Variants in CNTNAP2 observed in about 807,000 individuals in gnomAD.
CNTNAP2 encodes contactin associated protein 2, also known as contactin-associated protein-like 2.
In CNTNAP2, 98 loss-of-function variants were observed where a neutral mutation model predicts 155.2. The observed-to-expected ratio is 0.63, with a 90% CI of 0.54 to 0.75. The LOEUF is 0.75. Ranked by LOEUF, CNTNAP2 falls within the 30% of genes least tolerant of loss-of-function variation. CNTNAP2 has a pLI of 0.00. For synonymous variants in CNTNAP2, 651 were observed against 631.2 expected (o/e 1.03, Z -0.47); for missense variants, 1,727 against 1,688.1 (o/e 1.02, Z -0.40).
intron 1 of CNTNAP2, among the ~76,000 whole-genome samples, chr7:146,271,705 A>C (rs148258475): frequency 6.6e-6 from 1 of 151,826 alleles, no homozygotes; most frequent in East Asian, 1.9e-4. Context: ...AATTTTCTCT[A>C]TTACTCTGAT....
chr7:148,197,008 C>A (rs1210784734), intron 18 of CNTNAP2, among the ~76,000 whole-genome samples: 1 of 152,044 alleles, frequency 6.6e-6, no homozygotes, highest in Admixed American at 6.6e-5. Flanking sequence ...GGAAAAAAAA[C>A]AATGTTAAAC....
chr7:146,425,414 A>C (rs1796073347), intron 1 of CNTNAP2, among the ~76,000 whole-genome samples: 1 of 152,208 alleles, frequency 6.6e-6, no homozygotes, highest in South Asian at 2.1e-4. Context: ...TTTCCAATAA[A>C]AACAAAGAAT....
At chr7:147,647,473 A>G (rs539477285) in intron 13 of CNTNAP2, among the ~76,000 whole-genome samples, 3 of 152,330 alleles carry the variant, frequency 2.0e-5, no homozygotes, top group Non-Finnish European at 4.4e-5. Context: ...GAAACTTTCT[A>G]CAATTCTTAC....
intron 17 of CNTNAP2, among the ~76,000 whole-genome samples, chr7:148,155,711 A>G (rs1805387210): frequency 6.6e-6 from 1 of 152,234 alleles, no homozygotes; most frequent in Admixed American, 6.5e-5. Flanking sequence ...GAAAGAATTA[A>G]CAATAACAAA....
At chr7:148,363,848 T>G (rs1798674591) in intron 21 of CNTNAP2, among the ~76,000 whole-genome samples, 1 of 145,316 alleles carries the variant, frequency 6.9e-6, no homozygotes, top group Non-Finnish European at 1.5e-5. Context: ...TGGGGCTGCG[T>G]GCGGGCCAGC....
At chr7:147,638,695 G>C (rs764692330) in intron 12 of CNTNAP2, 1 of 376,070 alleles carries the variant, frequency 2.7e-6, no homozygotes, top group African/African-American at 2.1e-5. Flanking sequence ...AGACTCAGAG[G>C]CTTGAAAGAG....
intron 11 of CNTNAP2, among the ~76,000 whole-genome samples, chr7:147,512,518 T>C (rs1799040038): frequency 6.6e-6 from 1 of 152,160 alleles, no homozygotes; most frequent in Non-Finnish European, 1.5e-5. Context: ...CATCATTTTT[T>C]CTCATAACTA....
At chr7:147,732,441 G>A (rs1320147738) in intron 13 of CNTNAP2, among the ~76,000 whole-genome samples, 1 of 151,980 alleles carries the variant, frequency 6.6e-6, no homozygotes, top group African/African-American at 2.4e-5. Context: ...TATCATTGTT[G>A]GACATTTGGG....
chr7:147,368,035 C>G (rs1206252522), intron 9 of CNTNAP2, among the ~76,000 whole-genome samples: 3 of 92,784 alleles, frequency 3.2e-5, no homozygotes, highest in Non-Finnish European at 6.3e-5. Flanking sequence ...CCCTCCTCCT[C>G]TGTCCCCCTC....
chr7:146,929,329 G>T (rs970037906), intron 3 of CNTNAP2, among the ~76,000 whole-genome samples: 3 of 152,140 alleles, frequency 2.0e-5, no homozygotes, highest in African/African-American at 7.2e-5. Flanking sequence ...AGGCAAACAG[G>T]GTCTGGAGTG....
At chr7:146,172,130 G>C (rs1165037135) in intron 1 of CNTNAP2, among the ~76,000 whole-genome samples, 1 of 136,672 alleles carries the variant, frequency 7.3e-6, no homozygotes, top group Non-Finnish European at 1.6e-5. Context: ...GTTATTTCTT[G>C]GGTTTTCTTT....
Position 147,639,287 on chromosome 7 carries a change from A to C in CNTNAP2, c.2079A>C (p.Ser693=), listed in dbSNP as rs1459746558. The C allele has an allele frequency of 8.1e-6, 13 of 1,613,954 alleles. No homozygotes were observed. The highest frequency in any genetic ancestry group is 1.0e-5 in the Non-Finnish European group (12 of 1,179,992). Residue 693 remains serine, a synonymous_variant, in exon 13 of 24, where the codon TCA becomes TCC. Transcript: ENST00000361727. The part of the protein sequence containing the change: ...EQYVSYFCKM[S]RLLNTPDGSP... Reference sequence around the variant, plus strand: ...ATGTCTCCTATTTCTGCAAGATGTCAAGATTGTTGAACACCCCAGGTAGGC... The same window carrying C: ...ATGTCTCCTATTTCTGCAAGATGTCCAGATTGTTGAACACCCCAGGTAGGC...
At chr7:147,515,345 A>G (rs1486732809) in intron 11 of CNTNAP2, among the ~76,000 whole-genome samples, 1 of 45,950 alleles carries the variant, frequency 2.2e-5, no homozygotes, top group Non-Finnish European at 5.9e-5. Flanking sequence ...TTGTTTTGAG[A>G]CAAGTCTCGC....
chr7:147,257,605 A>G (rs1804360875), intron 8 of CNTNAP2, among the ~76,000 whole-genome samples: 1 of 152,256 alleles, frequency 6.6e-6, no homozygotes, highest in South Asian at 2.1e-4. Flanking sequence ...TACCGCCATC[A>G]GGCATTCATA....
chr7:146,538,547 T>C (rs34357770), intron 1 of CNTNAP2, among the ~76,000 whole-genome samples: 23,542 of 152,054 alleles, frequency 0.15, 2,757 homozygotes, highest in African/African-American at 0.33. Context: ...GGTTACATTC[T>C]GCTGCCCCAA....
chr7:147,486,051 A>G lies in CNTNAP2; in HGVS notation c.1777+10A>G, dbSNP rs2286127. On this transcript the variant is annotated intron_variant, in intron 11 of 23. Coordinates refer to ENST00000361727, the MANE Select transcript of CNTNAP2 (RefSeq NM_014141.6). ...GCCACCTGCCACAACTGTGAGTGCC[A>G]ATTTATCTCACTTTAATCTTGTAAT... 307,472 of 1,605,856 alleles carry G rather than the reference A, an allele frequency of 0.19. 32,246 individuals are homozygous for G. Among genetic ancestry groups the G allele is most frequent in the East Asian group, 0.33 (14,916 of 44,808 alleles).
intron 12 of CNTNAP2, among the ~76,000 whole-genome samples, chr7:147,625,514 AAT>A (rs1199232585): frequency 3.3e-5 from 5 of 152,340 alleles, no homozygotes; most frequent in African/African-American, 1.2e-4. Context: ...ATTTCATCAA[AAT>A]AGAGTTTATA....
chr7:146,720,781 G>T (rs2129177014), intron 1 of CNTNAP2, among the ~76,000 whole-genome samples: 1 of 150,798 alleles, frequency 6.6e-6, no homozygotes, highest in East Asian at 2.0e-4. Context: ...CTATGTAGAG[G>T]ATGTAATCAT....
At chr7:146,157,121 A>G (rs1798139093) in intron 1 of CNTNAP2, among the ~76,000 whole-genome samples, 1 of 152,324 alleles carries the variant, frequency 6.6e-6, no homozygotes, top group Non-Finnish European at 1.5e-5. Flanking sequence ...AATCAAAAAT[A>G]AAATAAGGTG....
Sources: gnomAD v4.1 joint callset for allele counts (sites outside exome capture counted in the v4.1 genomes callset) on GRCh38, gnomAD v4.1.1 for gene constraint, MANE v1.5 for transcripts, NCBI Gene and HGNC (gene_info 2026-07-23, HGNC 2026-07-21) for gene names.